The following IQSEC1 variants were observed in gnomAD, a reference collection of about 807,000 sequenced individuals.
The protein encoded by IQSEC1 is IQ motif and Sec7 domain ArfGEF 1, also known as IQ motif and SEC7 domain-containing protein 1.
A neutral mutation model predicts 91.0 loss-of-function variants in IQSEC1; 31 were observed. That is an observed-to-expected ratio of 0.34 (90% CI 0.26 to 0.46). The LOEUF (loss-of-function observed/expected upper bound fraction) is 0.46. Ranked by LOEUF, IQSEC1 falls within the 20% of genes least tolerant of loss-of-function variation. The pLI, the probability that IQSEC1 is intolerant of heterozygous loss-of-function variation, is 1.00. For synonymous variants in IQSEC1, 699 were observed against 662.6 expected, an observed-to-expected ratio of 1.05 and a Z score of -0.84; for missense variants, 1,388 against 1,575.6, an observed-to-expected ratio of 0.88 and a Z score of 2.02.
intron 1 of IQSEC1, among the ~76,000 whole-genome samples, chr3:13,043,131 G>A (rs1421371902): frequency 4.6e-5 from 7 of 152,158 alleles, no homozygotes; most frequent in Non-Finnish European, 5.9e-5. Context: ...ATTGGCTGCC[G>A]GCAGGGGAAT....
chr3:13,012,149 C>A (rs1242088144), intron 1 of IQSEC1, among the ~76,000 whole-genome samples: 1 of 152,174 alleles, frequency 6.6e-6, no homozygotes, highest in Non-Finnish European at 1.5e-5. Context: ...TACCTTTCAC[C>A]CACATGCAGG....
At chr3:13,212,896 T>C (rs903732172) in intron 1 of IQSEC1, among the ~76,000 whole-genome samples, 1 of 152,226 alleles carries the variant, frequency 6.6e-6, no homozygotes, top group African/African-American at 2.4e-5. Flanking sequence ...TGCTTTTTAG[T>C]TGAGTTGTCT....
chr3:13,136,822 A>G (rs563771337), intron 2 of IQSEC1, among the ~76,000 whole-genome samples: 18 of 152,184 alleles, frequency 1.2e-4, no homozygotes, highest in Non-Finnish European at 2.5e-4. Context: ...ATGAGAGTGT[A>G]AGCTGGAAGG....
Position 13,193,877 on chromosome 3 carries a change from A to C in IQSEC1, c.273-29744T>G, listed in dbSNP as rs1694078133. On this transcript the variant is annotated intron_variant, in intron 1 of 15. Transcript: ENST00000648114. This position sits in a 1 kb window ranked among gnomAD's most constrained non-coding sequence, Gnocchi z 4.2. Reference sequence around the variant, plus strand: ...TGTCCATCAGTCAACCGGGCTGACAAGGACCATGCCCTGGGGCTTCGGCCA... The same window carrying C: ...TGTCCATCAGTCAACCGGGCTGACACGGACCATGCCCTGGGGCTTCGGCCA... Among the ~76,000 whole-genome samples, 1 of 152,200 alleles carries C rather than the reference A, an allele frequency of 6.6e-6. No homozygotes were observed.
In IQSEC1 at chr3:13,045,297, T is replaced by G. The variant is rs149157677; in HGVS notation, c.23+27695A>C. Among the ~76,000 whole-genome samples the G allele has an allele frequency of 6.6e-4, 101 of 152,364 alleles. No homozygotes were observed. The South Asian group carries it at 7.7e-3, about 12-fold the overall frequency. On this transcript the variant is annotated intron_variant, in intron 1 of 13. Transcript: ENST00000613206. Reference sequence around the variant, plus strand: ...GCTCTTGTCACCACTTGACACGTTATGTTAAAAACCAGTTTCTTTTTCTGC... The same window carrying G: ...GCTCTTGTCACCACTTGACACGTTAGGTTAAAAACCAGTTTCTTTTTCTGC...
chr3:13,109,144 C>T (rs1343257166), intron 2 of IQSEC1, among the ~76,000 whole-genome samples: 1 of 152,138 alleles, frequency 6.6e-6, no homozygotes, highest in East Asian at 1.9e-4. Context: ...GGTGTACAGG[C>T]ATTACCGAGG....
intron 1 of IQSEC1, among the ~76,000 whole-genome samples, chr3:12,957,082 C>T (rs892481527): frequency 2.6e-4 from 39 of 152,156 alleles, no homozygotes; most frequent in African/African-American, 8.2e-4. Flanking sequence ...CCCAGCCCAG[C>T]GCCAAATTAA....
intron 12 of IQSEC1, among the ~76,000 whole-genome samples, chr3:12,903,767 GGA>G (rs1303319678): frequency 3.3e-5 from 5 of 152,084 alleles, no homozygotes; most frequent in Admixed American, 1.3e-4. Flanking sequence ...ATGGGAAGAG[GGA>G]GAGAGAAACA....
Position 12,935,618 on chromosome 3 carries a change from G to A in IQSEC1, c.1398C>T (p.Asn466=), listed in dbSNP as rs369519440. 15 of 1,614,008 alleles carry A rather than the reference G, an allele frequency of 9.3e-6. No homozygotes were observed. The East Asian group carries it at 2.2e-4, about 24-fold the overall frequency. The change falls in exon 3 of 14, where the codon AAC becomes AAT. Residue 466 remains asparagine, a synonymous_variant. Transcript: ENST00000613206. This position sits in a 1 kb window ranked among gnomAD's most constrained non-coding sequence, Gnocchi z 8.0. ...NDSINSTSNS[N]DTINCSSESS... is the part of the protein sequence containing the mutation. ...ACTCGGAGCTGCAGTTGATGGTATC[G>A]TTGGAGTTGGACGTGCTGTTGATGC...
chr3:13,040,613 A>C (rs868308355), intron 1 of IQSEC1, among the ~76,000 whole-genome samples: 14 of 152,188 alleles, frequency 9.2e-5, no homozygotes, highest in South Asian at 2.1e-4. Context: ...CTCCCCACTG[A>C]ATGCAGGACA....
intron 1 of IQSEC1, among the ~76,000 whole-genome samples, chr3:13,038,258 G>GTA (rs1354129185): frequency 5.3e-4 from 27 of 51,372 alleles, no homozygotes; most frequent in Non-Finnish European, 8.8e-4. Flanking sequence ...ATGTGTGTGT[G>GTA]TGTGTATATA....
At chr3:13,176,412 C>A (rs951789814) in intron 1 of IQSEC1, among the ~76,000 whole-genome samples, 1 of 152,218 alleles carries the variant, frequency 6.6e-6, no homozygotes, top group Non-Finnish European at 1.5e-5. Flanking sequence ...ATGAGAGACA[C>A]CTTCTTCCAC....
intron 1 of IQSEC1, among the ~76,000 whole-genome samples, chr3:13,206,103 A>T (rs1576294813): frequency 7.4e-6 from 1 of 135,154 alleles, no homozygotes; most frequent in Admixed American, 7.4e-5. Context: ...TCCTCCATCC[A>T]CCCATCTAGC....
At chr3:13,216,129 C>CA (rs750921155) in intron 1 of IQSEC1, among the ~76,000 whole-genome samples, 2 of 152,222 alleles carry the variant, frequency 1.3e-5, no homozygotes, top group Non-Finnish European at 2.9e-5. Context: ...GTCCTTTGGC[C>CA]ATTCTAGGAA....
intron 9 of IQSEC1, among the ~76,000 whole-genome samples, chr3:12,912,613 G>A (rs998775320): frequency 6.9e-6 from 1 of 145,730 alleles, no homozygotes; most frequent in Non-Finnish European, 1.5e-5. Flanking sequence ...GCAGTGAGCC[G>A]AGATTGCGCC....
At chr3:13,192,762 A>G (rs540261998) in intron 1 of IQSEC1, among the ~76,000 whole-genome samples, 67 of 152,338 alleles carry the variant, frequency 4.4e-4, no homozygotes, top group African/African-American at 1.5e-3. Context: ...CTTCTTGTGT[A>G]GACATTTCCC....
Position 13,001,584 on chromosome 3 carries a change from G to A in IQSEC1, c.24-59719C>T, listed in dbSNP as rs568728369. On this transcript the variant is annotated intron_variant, in intron 1 of 13. Coordinates refer to ENST00000613206, the MANE Select transcript of IQSEC1 (RefSeq NM_001134382.3). ...AGCAGAGCTCAGTTGGTAGAGGGTCGTCCAGATGACCTGCAGCATGCTTTT... is the reference window on the plus strand; with the variant it reads ...AGCAGAGCTCAGTTGGTAGAGGGTCATCCAGATGACCTGCAGCATGCTTTT... Among the ~76,000 whole-genome samples, 62 of 152,342 alleles carry A rather than the reference G, an allele frequency of 4.1e-4. 1 individual carries two copies. In the East Asian group the frequency reaches 0.012, roughly 28 times the overall value.
chr3:13,251,015 C>T (rs550103182), intron 1 of IQSEC1, among the ~76,000 whole-genome samples: 4 of 152,356 alleles, frequency 2.6e-5, no homozygotes, highest in Admixed American at 2.6e-4. Flanking sequence ...CCTGTGTGAA[C>T]TGCTGCTCCT....
chr3:13,257,183 C>A (rs1170257976), intron 1 of IQSEC1, among the ~76,000 whole-genome samples: 2 of 152,176 alleles, frequency 1.3e-5, no homozygotes, highest in African/African-American at 4.8e-5. Context: ...CAGGATGGCA[C>A]AGAGACACAC....
Sources: gnomAD v4.1 joint callset for allele counts (sites outside exome capture counted in the v4.1 genomes callset) on GRCh38, gnomAD v4.1.1 for gene constraint, Gnocchi (gnomAD v3.1) non-coding constraint, MANE v1.5 for transcripts, NCBI Gene and HGNC (gene_info 2026-07-23, HGNC 2026-07-21) for gene names.